The following PSD3 variants were observed in gnomAD, a reference collection of about 807,000 sequenced individuals.
The protein encoded by PSD3 is pleckstrin and Sec7 domain containing 3, also known as PH and SEC7 domain-containing protein 3.
In PSD3, 49 loss-of-function variants were observed where a neutral mutation model predicts 105.5. That is an observed-to-expected ratio of 0.46 (90% CI 0.37 to 0.59). The LOEUF is 0.59. PSD3 is among the 20% of genes least tolerant of loss of function. The pLI, the probability that PSD3 is intolerant of heterozygous loss-of-function variation, is 0.00. For synonymous variants in PSD3, 557 were observed against 457.8 expected (o/e 1.22, Z -2.77); for missense variants, 1,561 against 1,263.8 (o/e 1.24, Z -3.57).
At chr8:18,822,669 C>T (rs1252005573) in intron 4 of PSD3, among the ~76,000 whole-genome samples, 2 of 152,150 alleles carry the variant, frequency 1.3e-5, no homozygotes, top group Non-Finnish European at 2.9e-5. Flanking sequence ...AACTATCTGC[C>T]TCAAGAAGCT....
At chr8:18,776,007 T>A (rs547016664) in intron 8 of PSD3, among the ~76,000 whole-genome samples, 1 of 152,240 alleles carries the variant, frequency 6.6e-6, no homozygotes, top group Non-Finnish European at 1.5e-5. Flanking sequence ...TAATCCAAGT[T>A]GAGGTGATTT....
intron 9 of PSD3, among the ~76,000 whole-genome samples, chr8:18,749,274 C>G (rs946336450): frequency 1.3e-5 from 2 of 152,154 alleles, no homozygotes; most frequent in African/African-American, 2.4e-5. Context: ...TAAGCTGTTA[C>G]CCCACAACCA....
At position 18,575,247 on chromosome 8, in the gene PSD3, G is replaced by C; in HGVS notation, c.2520C>G (p.Asp840Glu). ...GGTGCACACTCACAGCGTTTTTCAAGTCCTCTTCAGACAAGGCCTTTTCTG... is the reference window on the plus strand; with the variant it reads ...GGTGCACACTCACAGCGTTTTTCAACTCCTCTTCAGACAAGGCCTTTTCTG... ...YKPEKALSEE[D>E]LKNAVSVHHA... Residue 840 changes from aspartate (D) to glutamate (E), a missense_variant, in exon 13 of 16, where the codon GAC (aspartate) becomes GAG (glutamate). Coordinates refer to ENST00000327040, the MANE Select transcript of PSD3 (RefSeq NM_015310.4). 1.2e-6 allele frequency: 2 copies of C among 1,612,824 alleles called. No homozygotes were observed. The highest frequency in any genetic ancestry group is 1.7e-6 in the Non-Finnish European group (2 of 1,179,364).
intron 8 of PSD3, among the ~76,000 whole-genome samples, chr8:18,768,579 A>C (rs1479497789): frequency 2.6e-5 from 4 of 152,212 alleles, no homozygotes; most frequent in Non-Finnish European, 5.9e-5. Flanking sequence ...CTCGGGTAAC[A>C]GAGGAAGACT....
chr8:18,790,614 T>C (rs1809627976), intron 8 of PSD3, among the ~76,000 whole-genome samples: 1 of 152,092 alleles, frequency 6.6e-6, no homozygotes, highest in African/African-American at 2.4e-5. Context: ...CATTCTTCTA[T>C]AAAAACATTT....
chr8:18,810,423 C>T (rs1256883375), intron 4 of PSD3, among the ~76,000 whole-genome samples: 1 of 152,144 alleles, frequency 6.6e-6, no homozygotes, highest in African/African-American at 2.4e-5. Context: ...ATACTATTGC[C>T]TGTATAAAAC....
At chr8:18,822,724 A>G (rs187582893) in intron 4 of PSD3, among the ~76,000 whole-genome samples, 2 of 152,298 alleles carry the variant, frequency 1.3e-5, no homozygotes, top group Non-Finnish European at 2.9e-5. Flanking sequence ...CTCATGTTTT[A>G]TGACTTTCAG....
chr8:18,885,709 G>C (rs1342754223), intron 2 of PSD3, among the ~76,000 whole-genome samples: 2 of 151,748 alleles, frequency 1.3e-5, no homozygotes, highest in African/African-American at 4.9e-5. Flanking sequence ...AAGGATTCAG[G>C]CTACAATCTG....
chr8:19,075,377 A>G (rs1268425417), intron 1 of PSD3, among the ~76,000 whole-genome samples: 1 of 152,268 alleles, frequency 6.6e-6, no homozygotes, highest in East Asian at 1.9e-4. Context: ...TGTTCGGATT[A>G]CAGGCATGAA....
At chr8:18,836,952 G>GTTT (rs772758713) in intron 4 of PSD3, among the ~76,000 whole-genome samples, 1 of 137,382 alleles carries the variant, frequency 7.3e-6, no homozygotes, top group Non-Finnish European at 1.6e-5. Flanking sequence ...TTTCTTACGT[G>GTTT]TTTTTTTTTT....
intron 9 of PSD3, among the ~76,000 whole-genome samples, chr8:18,714,179 G>A (rs1479936500): frequency 6.6e-6 from 1 of 152,022 alleles, no homozygotes; most frequent in Non-Finnish European, 1.5e-5. Flanking sequence ...GGAAAAACTA[G>A]AAGAAAATCT....
intron 1 of PSD3, among the ~76,000 whole-genome samples, chr8:18,993,870 T>A (rs1349176870): frequency 1.3e-5 from 2 of 148,166 alleles, no homozygotes; most frequent in African/African-American, 5.0e-5. Flanking sequence ...ATCAAACAAT[T>A]TGATTATATC....
At chr8:19,043,514 G>A (rs913315052) in intron 1 of PSD3, among the ~76,000 whole-genome samples, 3 of 152,110 alleles carry the variant, frequency 2.0e-5, no homozygotes, top group African/African-American at 7.2e-5. Flanking sequence ...GAGTTGTTGG[G>A]GGAAATAACA....
rs1184464487 is a variant in PSD3, at chr8:18,529,390, G to A, written c.*6353C>T. The A allele has an allele frequency of 1.3e-5, 2 of 152,122 alleles. No homozygotes were observed. The highest frequency in any genetic ancestry group is 2.9e-5 in the Non-Finnish European group (2 of 68,016). The allele number at this position is 152,122 out of a possible 1,614,324, so 9.4% of individuals were successfully genotyped here. A position where few individuals can be genotyped will look rare whatever the true frequency, so the allele number is the denominator to read the frequency against. On this transcript the variant is annotated 3_prime_UTR_variant, in exon 16 of 16. Coordinates refer to ENST00000327040, the MANE Select transcript of PSD3 (RefSeq NM_015310.4). ...CTTTGCATCTTAAGGTCTTATGTTT[G>A]TATAACTTAAAACATTCACTGTGTG... is the stretch of plus-strand genomic sequence containing the variant.
At chr8:18,840,000 A>T (rs957072282) in intron 4 of PSD3, among the ~76,000 whole-genome samples, 7 of 152,160 alleles carry the variant, frequency 4.6e-5, no homozygotes, top group Admixed American at 3.9e-4. Context: ...CTACATAATA[A>T]CTTACATTAT....
chr8:19,007,886 T>C (rs927792873), intron 1 of PSD3, among the ~76,000 whole-genome samples: 20 of 152,112 alleles, frequency 1.3e-4, no homozygotes, highest in Non-Finnish European at 2.2e-4. Context: ...CTCTGTTGCC[T>C]GGCTGGAGTG....
chr8:18,735,678 G>C (rs927982504), intron 9 of PSD3, among the ~76,000 whole-genome samples: 1 of 152,078 alleles, frequency 6.6e-6, no homozygotes, highest in Non-Finnish European at 1.5e-5. Context: ...GAATGAATCA[G>C]ACAAGGACTA....
At chr8:18,969,216 C>T (rs907579869) in intron 1 of PSD3, among the ~76,000 whole-genome samples, 3 of 152,118 alleles carry the variant, frequency 2.0e-5, no homozygotes, top group African/African-American at 4.8e-5. Context: ...CTGTAAAGTG[C>T]GAAGCAGTCA....
intron 2 of PSD3, among the ~76,000 whole-genome samples, chr8:18,905,373 G>C: frequency 6.6e-6 from 1 of 152,154 alleles, no homozygotes; most frequent in East Asian, 1.9e-4. Flanking sequence ...GCCCAGGCTG[G>C]AGTGCAGTGG....
Sources: gnomAD v4.1 joint callset for allele counts (sites outside exome capture counted in the v4.1 genomes callset) on GRCh38, gnomAD v4.1.1 for gene constraint, MANE v1.5 for transcripts, NCBI Gene and HGNC (gene_info 2026-07-23, HGNC 2026-07-21) for gene names.